The following ALPK2 variants were observed in gnomAD, a reference collection of about 807,000 sequenced individuals.
ALPK2 encodes alpha kinase 2, also known as alpha-protein kinase 2.
A neutral mutation model predicts 163.1 loss-of-function variants in ALPK2; 127 were observed. That is an observed-to-expected ratio of 0.78 (90% CI 0.67 to 0.90). The LOEUF (loss-of-function observed/expected upper bound fraction) is 0.90. ALPK2 is among the 40% of genes least tolerant of loss of function. ALPK2 has a pLI of 0.00. For synonymous variants in ALPK2, 953 were observed against 959.1 expected (o/e 0.99, Z 0.12); for missense variants, 2,360 against 2,589.6 (o/e 0.91, Z 1.92).
chr18:58,533,641 A>C (rs1223818939), intron 5 of ALPK2, among the ~76,000 whole-genome samples: 1 of 151,936 alleles, frequency 6.6e-6, no homozygotes. Context: ...TTTTTCGTAG[A>C]GATGGGGTTT....
At chr18:58,608,195 G>C (rs1176288035) in intron 2 of ALPK2, among the ~76,000 whole-genome samples, 1 of 152,226 alleles carries the variant, frequency 6.6e-6, no homozygotes, top group African/African-American at 2.4e-5. Flanking sequence ...GCACAAAAGA[G>C]AGGAGAACAA....
rs549064406 is a variant in ALPK2, at chr18:58,555,704, AC to A, written c.1963-17481del. On this transcript the variant is annotated intron_variant, in intron 4 of 12. Transcript: ENST00000361673. ...GAGGGGCATGCATGAGGCCCGAAGAACCCCAACCATTTCAGTGGAGATGCTG... is the reference window on the plus strand; with the variant it reads ...GAGGGGCATGCATGAGGCCCGAAGAACCCAACCATTTCAGTGGAGATGCTG... Among the ~76,000 whole-genome samples the A allele has an allele frequency of 7.9e-5, 12 of 152,272 alleles. No homozygotes were observed. The South Asian group carries it at 2.5e-3, about 32-fold the overall frequency.
rs200620811 is a variant in ALPK2 at position 58,516,966 on chromosome 18, G to A, written c.5882C>T (p.Ala1961Val). 305 of 1,614,070 alleles carry A rather than the reference G, an allele frequency of 1.9e-4. 3 individuals carry two copies. The highest frequency in any genetic ancestry group is 5.8e-5 in the Non-Finnish European group (69 of 1,180,042). The change falls in exon 9 of 13, where the codon GCC (alanine) becomes GTC (valine). Residue 1961 changes from alanine (A) to valine (V), a missense_variant. By Grantham distance (64) the Ala-to-Val change is moderately conservative (BLOSUM62 0). Coordinates refer to ENST00000361673, the MANE Select transcript of ALPK2 (RefSeq NM_052947.4). Reference sequence around the variant, plus strand: ...CTCATCATTATTTCTGGTCCCATAGGCAATGGCATTGTGCACCTTAAGCAC... The same window carrying A: ...CTCATCATTATTTCTGGTCCCATAGACAATGGCATTGTGCACCTTAAGCAC... ...ACVLKVHNAI[A>V]YGTRNNDELI... is the part of the protein sequence containing the mutation.
chr18:58,576,543 G>A (rs2051922813), intron 4 of ALPK2, among the ~76,000 whole-genome samples: 1 of 152,172 alleles, frequency 6.6e-6, no homozygotes, highest in African/African-American at 2.4e-5. Flanking sequence ...TTTGTGAACA[G>A]TATTATTTTT....
intron 3 of ALPK2, among the ~76,000 whole-genome samples, chr18:58,606,141 C>T (rs1217644626): frequency 6.6e-6 from 1 of 152,162 alleles, no homozygotes; most frequent in Non-Finnish European, 1.5e-5. Flanking sequence ...TGCAGTGGTG[C>T]AATCATAGCT....
chr18:58,503,739 C>T (rs921328220), intron 11 of ALPK2, among the ~76,000 whole-genome samples, 192 bp downstream of exon 11: 15 of 152,256 alleles, frequency 9.9e-5, no homozygotes, highest in Non-Finnish European at 1.8e-4. Flanking sequence ...TGAAATGGCC[C>T]TCTGGCTGGT....
intron 12 of ALPK2, among the ~76,000 whole-genome samples, chr18:58,496,233 G>C (rs1436323005): frequency 6.6e-6 from 1 of 152,164 alleles, no homozygotes; most frequent in East Asian, 1.9e-4. Flanking sequence ...AGCAGCATCA[G>C]GGTATGAACT....
At chr18:58,584,995 G>A (rs866037112) in intron 3 of ALPK2, among the ~76,000 whole-genome samples, 5 of 152,264 alleles carry the variant, frequency 3.3e-5, no homozygotes, top group East Asian at 3.9e-4. Context: ...TTCTTTTGGC[G>A]GAGGGAAGCA....
At chr18:58,593,335 G>A (rs968160184) in intron 3 of ALPK2, among the ~76,000 whole-genome samples, 1 of 152,098 alleles carries the variant, frequency 6.6e-6, no homozygotes, top group Non-Finnish European at 1.5e-5. Flanking sequence ...GGAGGCCAAG[G>A]CAGGTGGATC....
chr18:58,600,492 TG>T (rs2052063713), intron 3 of ALPK2: 1 of 152,180 alleles, frequency 6.6e-6, no homozygotes, highest in Non-Finnish European at 1.5e-5. Flanking sequence ...AGGGCACAGG[TG>T]ACAAGCACTT....
Position 58,590,055 on chromosome 18 carries a change from T to TA in ALPK2, c.228-9508dup, listed in dbSNP as rs200539027. ...CAACATGTTGAAACCTCGTCTTTAC[T>TA]AAAAAAAATACAAAAATTAGCCAGG... On this transcript the variant is annotated intron_variant, in intron 3 of 12. Coordinates refer to ENST00000361673, the MANE Select transcript of ALPK2 (RefSeq NM_052947.4). Among the ~76,000 whole-genome samples the TA allele has an allele frequency of 4.3e-3, 642 of 150,984 alleles. 12 individuals carry two copies. Among genetic ancestry groups the TA allele is most frequent in the Admixed American group, 0.037 (564 of 15,164 alleles).
chr18:58,589,063 AT>A (rs2052002185), intron 3 of ALPK2, among the ~76,000 whole-genome samples: 1 of 152,208 alleles, frequency 6.6e-6, no homozygotes, highest in Admixed American at 6.5e-5. Context: ...CACTTTGAGA[AT>A]CATTGATTTA....
At chr18:58,608,701 A>G (rs1411487493) in intron 2 of ALPK2, among the ~76,000 whole-genome samples, 1 of 152,132 alleles carries the variant, frequency 6.6e-6, no homozygotes, top group Admixed American at 6.5e-5. Flanking sequence ...TAATCCCAGC[A>G]CTTTGGGAGG....
rs374271622 is a variant in ALPK2 at position 58,517,093 on chromosome 18, C to A, written c.5755G>T (p.Ala1919Ser). The change falls in exon 9 of 13, where the codon GCC (alanine) becomes TCC (serine). Residue 1919 changes from alanine (A) to serine (S), a missense_variant. Coordinates refer to ENST00000361673, the MANE Select transcript of ALPK2 (RefSeq NM_052947.4). ...TCTCCAAAGTGCAGCTCCTCCGTGG[C>A]GATCTGACCACGCAGGCGGCCCCCA... Reference protein sequence around the residue: ...YFGGRLRGQIATEELHFGEGV... With the variant: ...YFGGRLRGQISTEELHFGEGV... 75 of 1,614,080 alleles carry A rather than the reference C, an allele frequency of 4.6e-5. 1 individual carries two copies. The South Asian group carries it at 7.6e-4, about 16-fold the overall frequency.
At chr18:58,485,427 C>T (rs770200241) in intron 12 of ALPK2, among the ~76,000 whole-genome samples, 18 of 152,142 alleles carry the variant, frequency 1.2e-4, no homozygotes, top group Non-Finnish European at 2.4e-4. Context: ...AAGCGGCAGC[C>T]TGCAGCTCCA....
intron 3 of ALPK2, among the ~76,000 whole-genome samples, chr18:58,583,650 T>A (rs951072153): frequency 7.5e-5 from 11 of 145,874 alleles, no homozygotes; most frequent in African/African-American, 2.6e-4. Context: ...TCCATCTCTG[T>A]AAAAAATTTA....
At chr18:58,544,049 G>A (rs1045612113) in intron 4 of ALPK2, among the ~76,000 whole-genome samples, 2 of 152,292 alleles carry the variant, frequency 1.3e-5, no homozygotes, top group African/African-American at 4.8e-5. Flanking sequence ...AAGGTCTAAG[G>A]GTAGGGACTC....
At chr18:58,544,459 A>G (rs565179435) in intron 4 of ALPK2, 1 of 152,330 alleles carries the variant, frequency 6.6e-6, no homozygotes, top group East Asian at 1.9e-4. Context: ...GTCACTAACA[A>G]TAGAAGGTTG....
At chr18:58,549,804 G>A (rs1323514037) in intron 4 of ALPK2, among the ~76,000 whole-genome samples, 1 of 152,182 alleles carries the variant, frequency 6.6e-6, no homozygotes, top group Non-Finnish European at 1.5e-5. Context: ...CCACCCTCTG[G>A]AAGACAGTGT....
Sources: allele counts gnomAD v4.1 joint callset (sites outside exome capture counted in the v4.1 genomes callset), GRCh38; gene constraint gnomAD v4.1.1; transcripts MANE v1.5; gene names NCBI Gene and HGNC (gene_info 2026-07-23, HGNC 2026-07-21).